ASTN2: variants seen among roughly 807,000 people sequenced by gnomAD.
ASTN2 encodes the protein astrotactin 2.
In ASTN2, 54 loss-of-function variants were observed where a neutral mutation model predicts 139.8. The ratio of observed to expected loss-of-function variants is 0.39; its 90% CI spans 0.31 to 0.48. ASTN2 has a LOEUF of 0.48. Ranked by LOEUF, ASTN2 falls within the 20% of genes least tolerant of loss-of-function variation. The pLI is 0.95. For missense variants in ASTN2, 1,565 were observed against 1,725.1 expected (o/e 0.91, Z 1.64); for synonymous variants, 756 against 719.5 (o/e 1.05, Z -0.81).
At chr9:116,818,297 T>A (rs4836863) in intron 12 of ASTN2, among the ~76,000 whole-genome samples, 101,423 of 152,020 alleles carry the variant, frequency 0.67, 34,671 homozygotes, top group East Asian at 0.78. Context: ...CCCTTGATAA[T>A]GAGTTTATTT....
At position 117,412,552 on chromosome 9, in the gene ASTN2, G is replaced by A. The variant is rs568751188; in HGVS notation, c.442+1945C>T. Among the ~76,000 whole-genome samples, 14 of 152,268 alleles carry A rather than the reference G, an allele frequency of 9.2e-5. No individual in the cohort carries two copies. The South Asian group carries it at 2.9e-3, about 32-fold the overall frequency. On this transcript the variant is annotated intron_variant, in intron 1 of 22. Transcript: ENST00000313400. ...AGATTGTCAGTTCCAGGAATCCCGGGGCACCTATACAGATGGTTGGAGCAG... is the reference window on the plus strand; with the variant it reads ...AGATTGTCAGTTCCAGGAATCCCGGAGCACCTATACAGATGGTTGGAGCAG...
intron 4 of ASTN2, among the ~76,000 whole-genome samples, chr9:117,121,475 T>C (rs1829556509): frequency 6.6e-6 from 1 of 152,208 alleles, no homozygotes; most frequent in Non-Finnish European, 1.5e-5. Context: ...GGTAGGCCTC[T>C]TTTGATTCTG....
intron 19 of ASTN2, among the ~76,000 whole-genome samples, chr9:116,533,812 C>T (rs1851479924): frequency 6.6e-6 from 1 of 152,138 alleles, no homozygotes; most frequent in Non-Finnish European, 1.5e-5. Flanking sequence ...GGATATTGGT[C>T]TAAAATTCTC....
chr9:116,932,393 C>T (rs941782562), intron 10 of ASTN2, among the ~76,000 whole-genome samples: 2 of 152,152 alleles, frequency 1.3e-5, no homozygotes, highest in African/African-American at 4.8e-5. Context: ...GGGTTTTTGG[C>T]TTCCACATTT....
chr9:116,860,289 G>A (rs1173862556), intron 11 of ASTN2, among the ~76,000 whole-genome samples: 1 of 152,140 alleles, frequency 6.6e-6, no homozygotes, highest in Non-Finnish European at 1.5e-5. Context: ...AAACGTAATA[G>A]AACATTAGAT....
chr9:117,097,201 G>C (rs1391547799), intron 4 of ASTN2, among the ~76,000 whole-genome samples: 2 of 152,192 alleles, frequency 1.3e-5, no homozygotes, highest in Admixed American at 6.5e-5. Context: ...TGAGTGCAAA[G>C]GGTGCTTCAG....
At chr9:116,753,983 C>T (rs115083944) in intron 13 of ASTN2, among the ~76,000 whole-genome samples, 1,937 of 150,928 alleles carry the variant, frequency 0.013, 45 homozygotes, top group African/African-American at 0.044. Context: ...GTGTGATGCC[C>T]GCTGCCCCCA....
rs187701353 is a variant in ASTN2 at position 116,440,268 on chromosome 9, C to T, written c.3782+341G>A. ...GGCCCTGGATTATGGGTCATGGCCC[C>T]ACTGCTGTTCCCCTCTGTGATCTTG... On this transcript the variant is annotated intron_variant, in intron 22 of 22. Coordinates refer to ENST00000313400, the MANE Select transcript of ASTN2 (RefSeq NM_001365068.1). Among the ~76,000 whole-genome samples, 14 of 152,234 alleles carry T rather than the reference C, an allele frequency of 9.2e-5. No individual in the cohort carries two copies. In the East Asian group the frequency reaches 2.7e-3, roughly 29 times the overall value.
rs201644531 is a variant in ASTN2 at position 117,141,406 on chromosome 9, G to A, written c.1088C>T (p.Thr363Met). The A allele has an allele frequency of 2.2e-5, 30 of 1,367,428 alleles. No homozygotes were observed. Among genetic ancestry groups the A allele is most frequent in the South Asian group, 1.7e-4 (15 of 88,048 alleles). 84.7% of individuals were successfully genotyped at this position (1,367,428 alleles called of 1,614,324 possible). Residue 363 changes from threonine (T) to methionine (M), a missense_variant, in exon 4 of 23, where the codon ACG becomes ATG. Thr to Met is a moderately conservative substitution (Grantham distance 81). Around this residue, in one of 4 missense-constraint regions of ASTN2, gnomAD observed 596 missense variants for 576.8 expected, o/e 1.03. Transcript: ENST00000313400. The part of the protein sequence containing the change: ...QKFKESFRAN[T>M]PIEIGQLQPP... ...TTGCAGCTGACCGATCTCGATGGGCGTGTTAGCGCGGAAACTCTCCTTGAA... is the reference window on the plus strand; with the variant it reads ...TTGCAGCTGACCGATCTCGATGGGCATGTTAGCGCGGAAACTCTCCTTGAA...
chr9:116,532,631 T>A (rs1453019437), intron 19 of ASTN2, among the ~76,000 whole-genome samples: 1 of 152,220 alleles, frequency 6.6e-6, no homozygotes, highest in African/African-American at 2.4e-5. Flanking sequence ...CCTTTCCCCA[T>A]TTCTTGTTTT....
chr9:116,670,706 G>A (rs1207824461), intron 16 of ASTN2, among the ~76,000 whole-genome samples: 1 of 152,090 alleles, frequency 6.6e-6, no homozygotes. Flanking sequence ...CTGGGACTGG[G>A]GCTGAGATGC....
chr9:116,803,781 C>G lies in ASTN2; in HGVS notation c.2396+1851G>C, dbSNP rs979327339. ...CCTCATGATCCGCCTGCCTCAGCCT[C>G]CCAAAGTGCTGGGATTACAGGTGTG... On this transcript the variant is annotated intron_variant, in intron 13 of 22. Coordinates refer to ENST00000313400, the MANE Select transcript of ASTN2 (RefSeq NM_001365068.1). Among the ~76,000 whole-genome samples the G allele has an allele frequency of 2.0e-5, 3 of 151,532 alleles. No individual in the cohort carries two copies. In the South Asian group the frequency reaches 6.3e-4, roughly 32 times the overall value.
At chr9:117,399,468 TTCCAA>T (rs1178002597) in intron 1 of ASTN2, among the ~76,000 whole-genome samples, 5 of 152,322 alleles carry the variant, frequency 3.3e-5, no homozygotes, top group Non-Finnish European at 7.3e-5. Context: ...GATCAACATT[TTCCAA>T]GTATTGAACC....
intron 19 of ASTN2, among the ~76,000 whole-genome samples, chr9:116,512,185 G>C (rs920898185): frequency 1.3e-5 from 2 of 152,178 alleles, no homozygotes; most frequent in African/African-American, 4.8e-5. Flanking sequence ...GTGTCCCAGA[G>C]ATTCTGGTAT....
intron 5 of ASTN2, among the ~76,000 whole-genome samples, chr9:117,077,828 A>G (rs1233274185): frequency 1.3e-5 from 2 of 152,240 alleles, no homozygotes; most frequent in Non-Finnish European, 2.9e-5. Context: ...AAGGACCTTA[A>G]AGGAAAAAAA....
intron 1 of ASTN2, among the ~76,000 whole-genome samples, chr9:117,386,796 C>A (rs1002163153): frequency 1.7e-4 from 26 of 152,142 alleles, no homozygotes; most frequent in African/African-American, 5.8e-4. Flanking sequence ...TGCTGCAGCA[C>A]CCTCCTTGGC....
At chr9:117,120,018 G>GTGTA (rs1306397698) in intron 4 of ASTN2, among the ~76,000 whole-genome samples, 57 of 45,992 alleles carry the variant, frequency 1.2e-3, no homozygotes, top group South Asian at 5.5e-3. Context: ...GTGTGTGTGT[G>GTGTA]TATATATATA....
At chr9:116,475,457 C>T (rs868146695) in intron 20 of ASTN2, among the ~76,000 whole-genome samples, 1 of 152,126 alleles carries the variant, frequency 6.6e-6, no homozygotes, top group African/African-American at 2.4e-5. Flanking sequence ...CCACTGAAGG[C>T]CAGTAATAGA....
chr9:117,351,066 C>T (rs2130880301), intron 1 of ASTN2, among the ~76,000 whole-genome samples: 2 of 152,274 alleles, frequency 1.3e-5, no homozygotes, highest in Middle Eastern at 6.8e-3. Context: ...GTCTACACTG[C>T]TACTCTCTTT....
Sources: allele counts gnomAD v4.1 joint callset (sites outside exome capture counted in the v4.1 genomes callset), GRCh38; gene constraint gnomAD v4.1.1; regional missense constraint gnomAD v4.1.1; transcripts MANE v1.5; gene names NCBI Gene and HGNC (gene_info 2026-07-23, HGNC 2026-07-21).